SORCS2: variants seen among roughly 807,000 people sequenced by gnomAD.
SORCS2 encodes sortilin related VPS10 domain containing receptor 2.
SORCS2 carries 100 observed loss-of-function variants against 141.6 expected under a neutral mutation model. The ratio of observed to expected loss-of-function variants is 0.71; its 90% confidence interval spans 0.60 to 0.83. SORCS2 has a LOEUF of 0.83. SORCS2 is among the 40% of genes least tolerant of loss of function. SORCS2 has a pLI of 0.00. For missense variants in SORCS2, 1,646 were observed against 1,560.2 expected, an observed-to-expected ratio of 1.05 and a Z score of -0.93; for synonymous variants, 789 against 676.9, an observed-to-expected ratio of 1.17 and a Z score of -2.57.
intron 2 of SORCS2, among the ~76,000 whole-genome samples, chr4:7,476,634 C>A (rs1392752776): frequency 6.6e-6 from 1 of 152,162 alleles, no homozygotes; most frequent in Non-Finnish European, 1.5e-5. Flanking sequence ...AAAATGCCCC[C>A]AAGAGGAACA....
At chr4:7,203,931 G>A (rs1245922579) in intron 1 of SORCS2, among the ~76,000 whole-genome samples, 7 of 152,192 alleles carry the variant, frequency 4.6e-5, no homozygotes, top group African/African-American at 1.7e-4. Context: ...TTTGTGTCTG[G>A]TTTATTTCAC....
At chr4:7,443,213 C>T (rs116835116) in intron 2 of SORCS2, among the ~76,000 whole-genome samples, 362 of 152,272 alleles carry the variant, frequency 2.4e-3, no homozygotes, top group African/African-American at 8.3e-3. Context: ...AGGAAGGGGG[C>T]ACAGTTCCAC....
chr4:7,217,411 A>C (rs773396838), intron 1 of SORCS2, among the ~76,000 whole-genome samples: 10 of 152,182 alleles, frequency 6.6e-5, no homozygotes, highest in African/African-American at 9.7e-5. Context: ...ACATGTAACC[A>C]ACTCGCCTGG....
intron 2 of SORCS2, among the ~76,000 whole-genome samples, chr4:7,425,951 T>C (rs1221302955): frequency 2.0e-5 from 3 of 152,200 alleles, no homozygotes; most frequent in Non-Finnish European, 4.4e-5. Context: ...GAAGGGAAAC[T>C]GAGGCACAAA....
At chr4:7,439,104 G>C (rs527776335) in intron 2 of SORCS2, among the ~76,000 whole-genome samples, 1 of 151,968 alleles carries the variant, frequency 6.6e-6, no homozygotes, top group African/African-American at 2.4e-5. Flanking sequence ...CTGTGCTGTC[G>C]TGCCTTTTAG....
intron 1 of SORCS2, among the ~76,000 whole-genome samples, chr4:7,316,702 G>T (rs1235548812): frequency 6.6e-6 from 1 of 152,194 alleles, no homozygotes; most frequent in Non-Finnish European, 1.5e-5. Context: ...GAAATGTTCT[G>T]TTCATAGTAG....
intron 1 of SORCS2, among the ~76,000 whole-genome samples, chr4:7,234,759 C>T (rs1007793625): frequency 6.6e-6 from 1 of 152,246 alleles, no homozygotes; most frequent in African/African-American, 2.4e-5. Flanking sequence ...TTGGAGGACT[C>T]TGCTGTTCTT....
chr4:7,326,503 G>A (rs1363486476), intron 1 of SORCS2, among the ~76,000 whole-genome samples: 3 of 152,154 alleles, frequency 2.0e-5, no homozygotes, highest in African/African-American at 7.2e-5. Context: ...GGGGCTGCCG[G>A]CATGGGAACC....
chr4:7,248,879 C>T (rs1181189639), intron 1 of SORCS2, among the ~76,000 whole-genome samples: 2 of 152,146 alleles, frequency 1.3e-5, no homozygotes, highest in Non-Finnish European at 2.9e-5. Context: ...GGTGGGAACC[C>T]TGAGAGCTTG....
chr4:7,283,552 C>G (rs774485635), intron 1 of SORCS2, among the ~76,000 whole-genome samples: 1 of 152,164 alleles, frequency 6.6e-6, no homozygotes, highest in Non-Finnish European at 1.5e-5. Context: ...ACTCCAGGAA[C>G]AGTGTTCCCC....
At chr4:7,444,433 A>T (rs1347566799) in intron 2 of SORCS2, among the ~76,000 whole-genome samples, 1 of 152,222 alleles carries the variant, frequency 6.6e-6, no homozygotes, top group African/African-American at 2.4e-5. Flanking sequence ...ATTTGAGTGT[A>T]AACTTGGAGG....
intron 2 of SORCS2, among the ~76,000 whole-genome samples, chr4:7,413,872 T>G (rs1199634197): frequency 1.3e-5 from 2 of 152,150 alleles, no homozygotes; most frequent in African/African-American, 4.8e-5. Flanking sequence ...GTTCTTAGGG[T>G]AAGCTCTTCT....
At chr4:7,273,218 A>G (rs551839113) in intron 1 of SORCS2, among the ~76,000 whole-genome samples, 1 of 152,254 alleles carries the variant, frequency 6.6e-6, no homozygotes, top group South Asian at 2.1e-4. Context: ...AAGGAAAATG[A>G]AGAGTAACTG....
chr4:7,739,923 C>G (rs1056972364), intron 26 of SORCS2, among the ~76,000 whole-genome samples: 1 of 152,202 alleles, frequency 6.6e-6, no homozygotes, highest in African/African-American at 2.4e-5. Flanking sequence ...GCGATCCCCA[C>G]GCAGGTCAGT....
intron 11 of SORCS2, among the ~76,000 whole-genome samples, chr4:7,690,636 G>C (rs1724183825): frequency 6.6e-6 from 1 of 151,982 alleles, no homozygotes; most frequent in African/African-American, 2.4e-5. Flanking sequence ...GTGGATGATA[G>C]ACGGATGATG....
intron 26 of SORCS2, among the ~76,000 whole-genome samples, chr4:7,738,741 G>A (rs901986850): frequency 2.6e-5 from 4 of 152,134 alleles, no homozygotes; most frequent in African/African-American, 9.7e-5. Context: ...GCAAATTATT[G>A]AAAGTGAGGC....
At chr4:7,528,879 CT>C (rs1012936801) in intron 2 of SORCS2, among the ~76,000 whole-genome samples, 3 of 152,190 alleles carry the variant, frequency 2.0e-5, no homozygotes, top group African/African-American at 7.2e-5. Flanking sequence ...CCTCTGCCCC[CT>C]GCCTCTCTCC....
chr4:7,285,812 T>C (rs991751255), intron 1 of SORCS2, among the ~76,000 whole-genome samples: 5 of 151,830 alleles, frequency 3.3e-5, no homozygotes, highest in Admixed American at 2.0e-4. Context: ...GGTGCGGGAG[T>C]GTGTGGGCCC....
At chr4:7,596,524 T>A (rs971502632) in intron 3 of SORCS2, among the ~76,000 whole-genome samples, 6 of 152,252 alleles carry the variant, frequency 3.9e-5, no homozygotes, top group African/African-American at 1.4e-4. Context: ...TAAATTGGGC[T>A]AGAAGAAACT....
Sources: gnomAD v4.1 joint callset for allele counts (sites outside exome capture counted in the v4.1 genomes callset) on GRCh38, gnomAD v4.1.1 for gene constraint, MANE v1.5 for transcripts, NCBI Gene and HGNC (gene_info 2026-07-23, HGNC 2026-07-21) for gene names.